The following PCGF5 variants were observed in gnomAD, a reference collection of about 807,000 sequenced individuals.
The protein encoded by PCGF5 is polycomb group ring finger 5.
Under a neutral mutation model 44.3 loss-of-function variants are expected in PCGF5, and 9 were observed. The observed-to-expected ratio is 0.20, with a 90% CI of 0.12 to 0.35. The LOEUF (loss-of-function observed/expected upper bound fraction) is 0.35, where lower values mean the gene tolerates loss of function less well. PCGF5 is among the 10% of genes least tolerant of loss of function. The probability of loss-of-function intolerance (pLI) is 1.00; values close to 1 mark genes in which losing one functional copy is unlikely to be tolerated. For missense variants in PCGF5, 146 were observed against 305.3 expected (o/e 0.48, Z 3.89); for synonymous variants, 95 against 102.5 (o/e 0.93, Z 0.44).
intron 2 of PCGF5, among the ~76,000 whole-genome samples, chr10:91,239,213 A>G (rs1845259819): frequency 6.6e-6 from 1 of 152,190 alleles, no homozygotes; most frequent in Admixed American, 6.6e-5. Flanking sequence ...AAGCTCCATA[A>G]GAATTTGGGC....
intron 9 of PCGF5, among the ~76,000 whole-genome samples, chr10:91,275,355 G>A (rs555377859): frequency 1.1e-4 from 17 of 151,950 alleles, no homozygotes; most frequent in African/African-American, 3.9e-4. Flanking sequence ...ATTAAGAGGT[G>A]GGGAAAGATA....
chr10:91,198,157 A>G (rs1272223229), intron 1 of PCGF5, among the ~76,000 whole-genome samples: 1 of 152,190 alleles, frequency 6.6e-6, no homozygotes, highest in African/African-American at 2.4e-5. Flanking sequence ...ACGTCATTTT[A>G]TGTAATTATG....
chr10:91,270,402 A>C (rs1244697862), intron 8 of PCGF5, among the ~76,000 whole-genome samples: 1 of 151,496 alleles, frequency 6.6e-6, no homozygotes, highest in Non-Finnish European at 1.5e-5. Flanking sequence ...AGAATCACTT[A>C]GTGAAATTGC....
intron 1 of PCGF5, among the ~76,000 whole-genome samples, chr10:91,180,049 G>A (rs1353522893): frequency 6.6e-6 from 1 of 152,046 alleles, no homozygotes; most frequent in African/African-American, 2.4e-5. Flanking sequence ...TCTGACTGGT[G>A]TGAGATGGTA....
At position 91,227,537 on chromosome 10, in the gene PCGF5, T is replaced by C. The variant is rs551993351; in HGVS notation, c.112+4554T>C. On this transcript the variant is annotated intron_variant, in intron 2 of 9. Transcript: ENST00000336126. ...TTAATACTTCTCAAATCTGTCCCTT[T>C]AGTTTCATCCCTCTGTTACTGTTCT... The C allele has an allele frequency of 8.2e-6, 10 of 1,212,412 alleles. No individual in the cohort carries two copies. In the East Asian group the frequency reaches 5.8e-4, roughly 70 times the overall value. 75.1% of individuals were successfully genotyped at this position (1,212,412 alleles called of 1,614,324 possible). A position where few individuals can be genotyped will look rare whatever the true frequency, so the allele number is the denominator to read the frequency against.
intron 2 of PCGF5, among the ~76,000 whole-genome samples, chr10:91,235,561 G>A (rs979043195): frequency 7.9e-5 from 12 of 151,864 alleles, no homozygotes; most frequent in Non-Finnish European, 1.2e-4. Flanking sequence ...AAAATTAGCC[G>A]GGCATGGTGG....
intron 2 of PCGF5, among the ~76,000 whole-genome samples, chr10:91,229,178 A>G (rs1165589434): frequency 6.6e-6 from 1 of 152,208 alleles, no homozygotes; most frequent in African/African-American, 2.4e-5. Context: ...GCATCAACAG[A>G]TGTTCATTAA....
intron 2 of PCGF5, among the ~76,000 whole-genome samples, chr10:91,229,595 CTTTAT>C (rs982207678): frequency 3.3e-5 from 5 of 151,804 alleles, no homozygotes; most frequent in African/African-American, 4.8e-5. Flanking sequence ...CTTTTTTCTG[CTTTAT>C]TTTCTAAAAA....
In PCGF5 at chr10:91,279,870, T is replaced by C. The variant is rs1846409348; in HGVS notation, c.*1554T>C. 1 of 152,114 alleles carries C rather than the reference T, an allele frequency of 6.6e-6. No homozygotes were observed. Among genetic ancestry groups the C allele is most frequent in the Non-Finnish European group, 1.5e-5 (1 of 67,944 alleles). The allele number at this position is 152,114 out of a possible 1,614,324, so 9.4% of individuals were successfully genotyped here. ...TTCAAAATGATTCTTAGAAATAAGATATTGTACAACTCTAGCAAACATACA... is the reference window on the plus strand; with the variant it reads ...TTCAAAATGATTCTTAGAAATAAGACATTGTACAACTCTAGCAAACATACA... On this transcript the variant is annotated 3_prime_UTR_variant, in exon 10 of 10. Coordinates refer to ENST00000336126, the MANE Select transcript of PCGF5 (RefSeq NM_032373.5).
chr10:91,198,596 G>A (rs1333591966), intron 1 of PCGF5, among the ~76,000 whole-genome samples: 2 of 152,176 alleles, frequency 1.3e-5, no homozygotes, highest in African/African-American at 2.4e-5. Context: ...ACCTGCCTAC[G>A]GGCTGCAGAG....
chr10:91,217,668 T>C (rs1844568765), upstream of PCGF5, among the ~76,000 whole-genome samples: 3 of 152,350 alleles, frequency 2.0e-5, no homozygotes, highest in Admixed American at 2.0e-4. Flanking sequence ...GCTTCTTTGA[T>C]AGGGAATCAC....
chr10:91,169,273 T>G (rs1361017907), intron 1 of PCGF5, among the ~76,000 whole-genome samples: 1 of 152,172 alleles, frequency 6.6e-6, no homozygotes, highest in Non-Finnish European at 1.5e-5. Context: ...AAGAAGTTAC[T>G]TGTGGGAAAA....
chr10:91,192,703 A>G (rs1844055138), intron 1 of PCGF5, among the ~76,000 whole-genome samples: 1 of 152,186 alleles, frequency 6.6e-6, no homozygotes, highest in East Asian at 1.9e-4. Flanking sequence ...AACATTTATT[A>G]TATGGTTTGT....
chr10:91,185,330 C>T (rs1678177671), intron 1 of PCGF5, among the ~76,000 whole-genome samples: 1 of 152,212 alleles, frequency 6.6e-6, no homozygotes, highest in Non-Finnish European at 1.5e-5. Context: ...TGGGGGATCC[C>T]TTCTGCCCCC....
At chr10:91,165,602 A>G (rs567448770) in intron 1 of PCGF5, among the ~76,000 whole-genome samples, 1 of 152,328 alleles carries the variant, frequency 6.6e-6, no homozygotes, top group African/African-American at 2.4e-5. Context: ...ATCCAATATG[A>G]AGTATTAATT....
chr10:91,169,283 A>G (rs1193672332), intron 1 of PCGF5, among the ~76,000 whole-genome samples: 1 of 152,214 alleles, frequency 6.6e-6, no homozygotes, highest in Non-Finnish European at 1.5e-5. Context: ...TTGTGGGAAA[A>G]TATGGCAAAA....
At chr10:91,227,814 C>A (rs573405411) in intron 2 of PCGF5, 1 of 988,410 alleles carries the variant, frequency 1.0e-6, no homozygotes, top group Admixed American at 6.0e-5. Flanking sequence ...TGTTTGCTCT[C>A]CTTGAAATGA....
chr10:91,210,587 G>T (rs1322555144), intron 1 of PCGF5, among the ~76,000 whole-genome samples: 4 of 152,214 alleles, frequency 2.6e-5, no homozygotes, highest in Admixed American at 1.3e-4. Context: ...CCTGTGGTCT[G>T]TGGAGGCCAC....
chr10:91,225,873 T>C (rs1424476531), intron 2 of PCGF5, among the ~76,000 whole-genome samples: 1 of 152,100 alleles, frequency 6.6e-6, no homozygotes, highest in African/African-American at 2.4e-5. Flanking sequence ...GGTGATATCC[T>C]GGGTTTCAAC....
Sources: gnomAD v4.1 joint callset for allele counts (sites outside exome capture counted in the v4.1 genomes callset) on GRCh38, gnomAD v4.1.1 for gene constraint, MANE v1.5 for transcripts, NCBI Gene and HGNC (gene_info 2026-07-23, HGNC 2026-07-21) for gene names.